Variants in FSHR observed in about 807,000 individuals in gnomAD.
The protein encoded by FSHR is follicle-stimulating hormone receptor.
FSHR carries 46 observed loss-of-function variants against 52.1 expected under a neutral mutation model. That is an observed-to-expected ratio of 0.88 (90% CI 0.70 to 1.13). The LOEUF is 1.13. Ranked by LOEUF, FSHR falls within the 50% of genes most tolerant of loss-of-function variation. The probability of loss-of-function intolerance (pLI) is 0.00; values close to 1 mark genes in which losing one functional copy is unlikely to be tolerated. For missense variants in FSHR, 964 were observed against 834.6 expected, an observed-to-expected ratio of 1.16 and a Z score of -1.91; for synonymous variants, 399 against 309.6, an observed-to-expected ratio of 1.29 and a Z score of -3.03.
At chr2:49,020,825 G>C (rs1667668281) in intron 2 of FSHR, among the ~76,000 whole-genome samples, 1 of 152,048 alleles carries the variant, frequency 6.6e-6, no homozygotes, top group Non-Finnish European at 1.5e-5. Flanking sequence ...CCCCATTAAT[G>C]TCTAACGTAG....
chr2:49,125,316 G>T (rs1671959106), intron 1 of FSHR, among the ~76,000 whole-genome samples: 1 of 143,720 alleles, frequency 7.0e-6, no homozygotes, highest in Middle Eastern at 3.3e-3. Flanking sequence ...TAGCTGGTGA[G>T]CTAAAAAAAA....
Position 49,075,448 on chromosome 2 carries a change from T to C in FSHR, c.153-7158A>G, listed in dbSNP as rs76690123. On this transcript the variant is annotated intron_variant, in intron 1 of 9. Coordinates refer to ENST00000406846, the MANE Select transcript of FSHR (RefSeq NM_000145.4). ...TCATTAAAAATAACAATAAACAAGA[T>C]CAACAACAGCAAAAGCTAATTCTTT... Among the ~76,000 whole-genome samples the C allele has an allele frequency of 8.9e-3, 1,341 of 151,420 alleles. 17 individuals are homozygous for C. Among genetic ancestry groups the C allele is most frequent in the Middle Eastern group, 0.034 (10 of 292 alleles).
intron 2 of FSHR, among the ~76,000 whole-genome samples, chr2:49,024,585 CA>C (rs1667855727): frequency 6.6e-6 from 1 of 152,000 alleles, no homozygotes; most frequent in African/African-American, 2.4e-5. Context: ...ATAAAATAAA[CA>C]ATAAAAATAA....
chr2:48,987,739 C>G lies in FSHR; in HGVS notation c.524+1238G>C, dbSNP rs76495047. Among the ~76,000 whole-genome samples the G allele has an allele frequency of 3.0e-3, 463 of 151,938 alleles. 4 individuals are homozygous for G. Among genetic ancestry groups the G allele is most frequent in the African/African-American group, 0.011 (450 of 41,392 alleles). On this transcript the variant is annotated intron_variant, in intron 6 of 9. Coordinates refer to ENST00000406846, the MANE Select transcript of FSHR (RefSeq NM_000145.4). Reference sequence around the variant, plus strand: ...TCCTTCTTTCCTCTTAGAATGATTGCTCTTTTTTTCTTTGTATATCATTCA... The same window carrying G: ...TCCTTCTTTCCTCTTAGAATGATTGGTCTTTTTTTCTTTGTATATCATTCA...
chr2:49,042,130 A>G (rs1668498099), intron 2 of FSHR, among the ~76,000 whole-genome samples: 1 of 152,164 alleles, frequency 6.6e-6, no homozygotes, highest in African/African-American at 2.4e-5. Context: ...ATAGCCATTC[A>G]TTTTAGAAAT....
intron 4 of FSHR, among the ~76,000 whole-genome samples, chr2:49,005,506 A>G (rs1667046904): frequency 6.6e-6 from 1 of 152,124 alleles, no homozygotes; most frequent in Non-Finnish European, 1.5e-5. Context: ...CACTATAATG[A>G]TAGTCCTGCA....
At chr2:48,991,615 A>G (rs1675783544) in intron 4 of FSHR, among the ~76,000 whole-genome samples, 1 of 152,160 alleles carries the variant, frequency 6.6e-6, no homozygotes, top group South Asian at 2.1e-4. Flanking sequence ...AGGAAGTGAG[A>G]GGTGTACAAG....
intron 1 of FSHR, among the ~76,000 whole-genome samples, chr2:49,094,295 C>T (rs1376812943): frequency 6.6e-6 from 1 of 152,132 alleles, no homozygotes; most frequent in African/African-American, 2.4e-5. Context: ...TATTTGCAAA[C>T]ATTAAAAATT....
intron 1 of FSHR, among the ~76,000 whole-genome samples, chr2:49,081,055 C>T (rs141855404): frequency 3.3e-5 from 5 of 152,152 alleles, no homozygotes; most frequent in Admixed American, 6.5e-5. Context: ...TTCCCCCTTA[C>T]TTTCTCTGCC....
chr2:49,098,322 T>C (rs557001521), intron 1 of FSHR, among the ~76,000 whole-genome samples: 55 of 152,062 alleles, frequency 3.6e-4, no homozygotes, highest in Admixed American at 2.4e-3. Flanking sequence ...ACATGATAAA[T>C]TTAGTGATAG....
chr2:48,981,935 A>G (rs1251887159), intron 8 of FSHR, among the ~76,000 whole-genome samples: 1 of 152,228 alleles, frequency 6.6e-6, no homozygotes, highest in African/African-American at 2.4e-5. Context: ...AGGATCATTC[A>G]GTAAAACTGT....
At chr2:49,022,858 C>T (rs950097280) in intron 2 of FSHR, among the ~76,000 whole-genome samples, 6 of 152,200 alleles carry the variant, frequency 3.9e-5, no homozygotes, top group Non-Finnish European at 8.8e-5. Context: ...CTCCTTTCCT[C>T]ATCTTCTAGG....
At chr2:49,154,099 C>T (rs1029630529) in intron 1 of FSHR, among the ~76,000 whole-genome samples, 167 bp downstream of exon 1, 45 of 152,276 alleles carry the variant, frequency 3.0e-4, no homozygotes, top group African/African-American at 1.0e-3. Context: ...TCTTGGAAAG[C>T]CACAGGCAGG....
chr2:48,991,455 G>A (rs747207023), intron 4 of FSHR, among the ~76,000 whole-genome samples: 1 of 152,156 alleles, frequency 6.6e-6, no homozygotes, highest in Non-Finnish European at 1.5e-5. Context: ...GGAGAGTAGT[G>A]GGGGAAGGAT....
chr2:48,964,156 G>T (rs1191569431), intron 9 of FSHR, among the ~76,000 whole-genome samples, 190 bp from the exon 10 acceptor site: 1 of 151,484 alleles, frequency 6.6e-6, no homozygotes, highest in Non-Finnish European at 1.5e-5. Flanking sequence ...ATAACAACTT[G>T]TATATATATT....
intron 4 of FSHR, among the ~76,000 whole-genome samples, chr2:49,002,838 T>C (rs1666952626): frequency 6.6e-6 from 1 of 152,082 alleles, no homozygotes; most frequent in South Asian, 2.1e-4. Context: ...GGTCTTTGGA[T>C]CTCCTGTAAA....
At chr2:49,001,791 A>G (rs911957854) in intron 4 of FSHR, among the ~76,000 whole-genome samples, 11 of 152,100 alleles carry the variant, frequency 7.2e-5, no homozygotes. Context: ...AAATCTCTCT[A>G]GCTGTGCTGT....
chr2:49,027,184 T>C (rs1314127162), intron 2 of FSHR, among the ~76,000 whole-genome samples: 1 of 152,176 alleles, frequency 6.6e-6, no homozygotes, highest in Non-Finnish European at 1.5e-5. Context: ...TCTCAATTAC[T>C]CTCTTCTGTA....
intron 1 of FSHR, among the ~76,000 whole-genome samples, chr2:49,133,688 C>A (rs1672380007): frequency 6.6e-6 from 1 of 152,136 alleles, no homozygotes; most frequent in South Asian, 2.1e-4. Flanking sequence ...GCTACAATAA[C>A]CAAAACAGCA....
Sources: gnomAD v4.1 joint callset for allele counts (sites outside exome capture counted in the v4.1 genomes callset) on GRCh38, gnomAD v4.1.1 for gene constraint, MANE v1.5 for transcripts, NCBI Gene and HGNC (gene_info 2026-07-23, HGNC 2026-07-21) for gene names.